SLC15A1: variants seen among roughly 807,000 people sequenced by gnomAD.
SLC15A1 encodes Caco-2 oligopeptide transporter.
In SLC15A1, 83 loss-of-function variants were observed where a neutral mutation model predicts 92.9. The observed-to-expected ratio is 0.89, with a 90% confidence interval of 0.75 to 1.07. The LOEUF is 1.07. Among genes scored for constraint, SLC15A1 ranks in the 50% least tolerant of loss-of-function variants. The pLI is 0.00. For missense variants in SLC15A1, 857 were observed against 880.1 expected, an observed-to-expected ratio of 0.97 and a Z score of 0.33; for synonymous variants, 322 against 318.2, an observed-to-expected ratio of 1.01 and a Z score of -0.13.
At chr13:98,691,997 C>G (rs1429350848) in intron 18 of SLC15A1, among the ~76,000 whole-genome samples, 1 of 151,730 alleles carries the variant, frequency 6.6e-6, no homozygotes, top group Non-Finnish European at 1.5e-5. Flanking sequence ...CGCTTGAACC[C>G]AGGAGGTGGA....
chr13:98,742,887 C>G lies in SLC15A1; in HGVS notation c.4+9708G>C, dbSNP rs537872374. 7.5e-5 allele frequency among the ~76,000 whole-genome samples: 11 copies of G among 147,106 alleles called. No homozygotes were observed. In the Admixed American group the frequency reaches 7.7e-4, roughly 10 times the overall value. The stretch of plus-strand genomic sequence containing the variant: ...AACTCCTGGGCTCAAGGGATCCTCC[C>G]GCCTGAGCCTCTTGGGCAGCTGGGA... On this transcript the variant is annotated intron_variant, in intron 1 of 22. Transcript: ENST00000376503.
At chr13:98,706,928 C>A (rs1212337279) in intron 15 of SLC15A1, among the ~76,000 whole-genome samples, 2 of 151,896 alleles carry the variant, frequency 1.3e-5, no homozygotes, top group African/African-American at 4.8e-5. Flanking sequence ...AAACAAATAT[C>A]CTTCTTGTCA....
intron 7 of SLC15A1, 73 bp downstream of exon 7, chr13:98,721,422 A>C (rs745342936): frequency 1.1e-5 from 12 of 1,053,300 alleles, no homozygotes; most frequent in Non-Finnish European, 1.8e-5. Flanking sequence ...GAAGAACAGA[A>C]CAAAACGAAG....
intron 18 of SLC15A1, among the ~76,000 whole-genome samples, chr13:98,699,349 C>A (rs2088049060): frequency 6.6e-6 from 1 of 152,148 alleles, no homozygotes; most frequent in Non-Finnish European, 1.5e-5. Context: ...GGAACTCCAG[C>A]CCAGGGTGGG....
chr13:98,739,711 C>T (rs72650322), intron 1 of SLC15A1, among the ~76,000 whole-genome samples: 44 of 152,330 alleles, frequency 2.9e-4, no homozygotes, highest in African/African-American at 1.0e-3. Context: ...ATTAAACCTT[C>T]TTTCTTTATA....
At chr13:98,730,466 G>A (rs1325100401) in intron 1 of SLC15A1, among the ~76,000 whole-genome samples, 1 of 152,214 alleles carries the variant, frequency 6.6e-6, no homozygotes, top group African/African-American at 2.4e-5. Context: ...GTCGTGGGAT[G>A]GGGCTGCTTC....
At chr13:98,713,782 C>T (rs1310602078) in intron 9 of SLC15A1, among the ~76,000 whole-genome samples, 4 of 152,140 alleles carry the variant, frequency 2.6e-5, no homozygotes, top group Admixed American at 6.6e-5. Flanking sequence ...CGCAGTGGCT[C>T]ACACCTGTAA....
At chr13:98,724,107 C>A in intron 4 of SLC15A1, 76 bp from the exon 5 acceptor site, 2 of 1,572,656 alleles carry the variant, frequency 1.3e-6, no homozygotes, top group East Asian at 2.3e-5. Flanking sequence ...CACAAAAGAC[C>A]CCCTCCTTGA....
chr13:98,688,359 A>G lies in SLC15A1; in HGVS notation c.1575-3T>C, dbSNP rs778318915. 5 of 1,611,782 alleles carry G rather than the reference A, an allele frequency of 3.1e-6. No individual in the cohort carries two copies. Among genetic ancestry groups the G allele is most frequent in the East Asian group, 4.5e-5 (2 of 44,834 alleles). On this transcript the variant is annotated splice_region_variant and splice_polypyrimidine_tract_variant and intron_variant, in intron 19 of 22. Transcript: ENST00000376503. ...TTGAGCTTATTGTGAAGCCTTTTCTATCAAAATAAAGAATAATATTGGTTA... is the reference window on the plus strand; with the variant it reads ...TTGAGCTTATTGTGAAGCCTTTTCTGTCAAAATAAAGAATAATATTGGTTA...
chr13:98,742,279 C>T (rs1182793138), intron 1 of SLC15A1, among the ~76,000 whole-genome samples: 1 of 152,242 alleles, frequency 6.6e-6, no homozygotes, highest in Non-Finnish European at 1.5e-5. Context: ...TGAGCCACCT[C>T]CTACCTGTCG....
chr13:98,752,313 G>A (rs2088553113), intron 1 of SLC15A1, among the ~76,000 whole-genome samples: 1 of 152,024 alleles, frequency 6.6e-6, no homozygotes, highest in Non-Finnish European at 1.5e-5. Context: ...CCCGCAGGGT[G>A]GGAATACGAG....
chr13:98,705,223 A>C, intron 16 of SLC15A1, among the ~76,000 whole-genome samples: 1 of 120,896 alleles, frequency 8.3e-6, no homozygotes, highest in Non-Finnish European at 1.7e-5. Context: ...AAAAAAAGGG[A>C]TCTCTGGGGC....
chr13:98,708,163 T>C (rs1361923642), intron 15 of SLC15A1, among the ~76,000 whole-genome samples: 1 of 151,640 alleles, frequency 6.6e-6, no homozygotes, highest in Non-Finnish European at 1.5e-5. Context: ...TGGGGAATGG[T>C]GGGGAGAGGG....
intron 1 of SLC15A1, among the ~76,000 whole-genome samples, chr13:98,728,637 T>A (rs2088321417): frequency 1.3e-5 from 2 of 152,228 alleles, no homozygotes; most frequent in African/African-American, 2.4e-5. Context: ...TAAGAGCTGG[T>A]GTTTGGTAGC....
At chr13:98,689,210 G>A (rs1227078937) in intron 18 of SLC15A1, among the ~76,000 whole-genome samples, 6 of 152,204 alleles carry the variant, frequency 3.9e-5, no homozygotes. Flanking sequence ...AAAGTGCTGG[G>A]ATTGCAGGTG....
rs141847035 is a variant in SLC15A1 at position 98,709,754 on chromosome 13, G to A, written c.966C>T (p.Pro322=). Residue 322 remains proline, a synonymous_variant, in exon 13 of 23, where the codon CCC becomes CCT. Transcript: ENST00000376503. ...SGKIGALEIQ[P]DQMQTVNAIL... is the part of the protein sequence containing the mutation. Reference sequence around the variant, plus strand: ...ACATGTCTTCTACCTGCATCTGATCGGGCTGAATTTCAAGAGCTCCCTAAA... The same window carrying A: ...ACATGTCTTCTACCTGCATCTGATCAGGCTGAATTTCAAGAGCTCCCTAAA... 6.6e-5 allele frequency: 107 copies of A among 1,614,116 alleles called. No homozygotes were observed. In the African/African-American group the frequency reaches 1.1e-3, roughly 16 times the overall value.
At chr13:98,729,197 T>G (rs2088328319) in intron 1 of SLC15A1, among the ~76,000 whole-genome samples, 2 of 151,894 alleles carry the variant, frequency 1.3e-5, no homozygotes, top group Non-Finnish European at 2.9e-5. Flanking sequence ...GTATTAATAT[T>G]AATATTGTGT....
intron 18 of SLC15A1, among the ~76,000 whole-genome samples, chr13:98,695,887 C>T (rs1276381598): frequency 6.6e-6 from 1 of 152,100 alleles, no homozygotes; most frequent in African/African-American, 2.4e-5. Flanking sequence ...TTCTATTTCT[C>T]TGTTATTTTC....
intron 18 of SLC15A1, 141 bp from the exon 19 acceptor site, chr13:98,688,718 A>G (rs1218093047): frequency 3.0e-6 from 2 of 656,806 alleles, no homozygotes; most frequent in African/African-American, 3.7e-5. Context: ...GAGAATAAAG[A>G]CAAAAAGTGA....
Sources: allele counts gnomAD v4.1 joint callset (sites outside exome capture counted in the v4.1 genomes callset), GRCh38; gene constraint gnomAD v4.1.1; transcripts MANE v1.5; gene names NCBI Gene and HGNC (gene_info 2026-07-23, HGNC 2026-07-21).